RYR3: variants seen among roughly 807,000 people sequenced by gnomAD.
RYR3 encodes the protein ryanodine receptor 3, also known as brain ryanodine receptor-calcium release channel.
RYR3 carries 207 observed loss-of-function variants against 584.3 expected under a neutral mutation model. The ratio of observed to expected loss-of-function variants is 0.35; its 90% CI spans 0.32 to 0.40. The LOEUF (loss-of-function observed/expected upper bound fraction) is 0.40. RYR3 is among the 10% of genes least tolerant of loss of function. RYR3 has a pLI of 1.00. For missense variants in RYR3, 5,616 were observed against 6,089.2 expected (o/e 0.92, Z 2.59); for synonymous variants, 2,416 against 2,248.5 (o/e 1.07, Z -2.11).
Position 33,677,602 on chromosome 15 carries a change from G to C in RYR3, c.5860+7046G>C, listed in dbSNP as rs186809401. On this transcript the variant is annotated intron_variant, in intron 38 of 103. Coordinates refer to ENST00000634891, the MANE Select transcript of RYR3 (RefSeq NM_001036.6). ...CCCCTTGGGACTCTAGAGCAGGACT[G>C]GCAGAATCAGGCTGCAAACACAGTC... Among the ~76,000 whole-genome samples the C allele has an allele frequency of 1.5e-4, 23 of 152,316 alleles. No individual in the cohort carries two copies. The East Asian group carries it at 3.7e-3, about 24-fold the overall frequency.
intron 3 of RYR3, among the ~76,000 whole-genome samples, chr15:33,526,839 G>T (rs187145043): frequency 6.6e-6 from 1 of 152,120 alleles, no homozygotes; most frequent in African/African-American, 2.4e-5. Flanking sequence ...TACCACAGAA[G>T]ATAATAAAGC....
chr15:33,750,042 C>T lies in RYR3; in HGVS notation c.8263C>T (p.Leu2755=). 2 of 1,611,778 alleles carry T rather than the reference C, an allele frequency of 1.2e-6. No individual in the cohort carries two copies. The highest frequency in any genetic ancestry group is 1.7e-6 in the Non-Finnish European group (2 of 1,179,094). Residue 2755 remains leucine (L), a synonymous_variant, in exon 56 of 104, where the codon CTG becomes TTG. Transcript: ENST00000634891. The stretch of plus-strand genomic sequence containing the variant: ...CTGGGCCAAGAAGAAGAAGCTGGAG[C>T]TGGAGAGCAAAGGTGAGTGAGGTTC... ...NIWAKKKKLE[L]ESKGGGSHPL...
chr15:33,806,606 A>G (rs976654798), intron 69 of RYR3, among the ~76,000 whole-genome samples: 1 of 152,216 alleles, frequency 6.6e-6, no homozygotes, highest in Non-Finnish European at 1.5e-5. Flanking sequence ...ATGTGACAGA[A>G]CAAATAAAAC....
At chr15:33,681,661 T>G (rs1390479442) in intron 38 of RYR3, among the ~76,000 whole-genome samples, 1 of 152,228 alleles carries the variant, frequency 6.6e-6, no homozygotes, top group Non-Finnish European at 1.5e-5. Context: ...TTTCAATCAC[T>G]TAGAATTTAA....
intron 38 of RYR3, among the ~76,000 whole-genome samples, chr15:33,695,792 A>T (rs547082697): frequency 4.6e-4 from 68 of 148,454 alleles, no homozygotes; most frequent in East Asian, 3.6e-3. Context: ...CAAAAAAAAA[A>T]TTTTTTTTTT....
At chr15:33,845,965 G>A (rs1269988590) in intron 93 of RYR3, among the ~76,000 whole-genome samples, 1 of 152,186 alleles carries the variant, frequency 6.6e-6, no homozygotes, top group Non-Finnish European at 1.5e-5. Context: ...CGCTACATTT[G>A]CAGCCATCTG....
At chr15:33,841,146 G>A (rs1376824382) in intron 90 of RYR3, among the ~76,000 whole-genome samples, 1 of 152,120 alleles carries the variant, frequency 6.6e-6, no homozygotes, top group Non-Finnish European at 1.5e-5. Flanking sequence ...GAGCCCAGGA[G>A]GTCGAGGCTG....
chr15:33,846,853 C>A (rs955450720), intron 93 of RYR3, among the ~76,000 whole-genome samples: 8 of 152,292 alleles, frequency 5.3e-5, no homozygotes, highest in Middle Eastern at 3.4e-3. Flanking sequence ...TAAATGTACT[C>A]AGAACACATA....
intron 1 of RYR3, among the ~76,000 whole-genome samples, chr15:33,313,113 T>C (rs577888545): frequency 2.6e-5 from 4 of 152,310 alleles, no homozygotes; most frequent in African/African-American, 9.6e-5. Context: ...TGTGGCGTTA[T>C]TGGTTCTTTT....
chr15:33,356,709 A>G (rs1974026919), intron 1 of RYR3, among the ~76,000 whole-genome samples: 1 of 152,330 alleles, frequency 6.6e-6, no homozygotes, highest in South Asian at 2.1e-4. Context: ...CTTGCAAATT[A>G]TAAGTAGATA....
intron 1 of RYR3, among the ~76,000 whole-genome samples, chr15:33,342,593 T>C (rs749344040): frequency 7.0e-6 from 1 of 142,684 alleles, no homozygotes; most frequent in South Asian, 2.3e-4. Flanking sequence ...GTATATAATA[T>C]TATCCAATAA....
At chr15:33,575,633 ATAGCAC>A (rs1430068422) in intron 12 of RYR3, among the ~76,000 whole-genome samples, 1 of 152,198 alleles carries the variant, frequency 6.6e-6, no homozygotes, top group African/African-American at 2.4e-5. Context: ...AGGGAAGTTT[ATAGCAC>A]TAAATGCCCA....
intron 43 of RYR3, among the ~76,000 whole-genome samples, chr15:33,711,714 T>C (rs2067137173): frequency 6.6e-6 from 1 of 152,206 alleles, no homozygotes; most frequent in Admixed American, 6.5e-5. Flanking sequence ...CCAAATAAGT[T>C]CCTCATTTCC....
At chr15:33,450,162 A>G (rs1596194010) in intron 1 of RYR3, among the ~76,000 whole-genome samples, 1 of 150,038 alleles carries the variant, frequency 6.7e-6, no homozygotes, top group South Asian at 2.1e-4. Flanking sequence ...GGAGAATTCC[A>G]GGGGCATCCA....
At chr15:33,744,377 G>A (rs1207604252) in intron 52 of RYR3, among the ~76,000 whole-genome samples, 1 of 152,150 alleles carries the variant, frequency 6.6e-6, no homozygotes, top group African/African-American at 2.4e-5. Flanking sequence ...TCTGCCACTA[G>A]ATTGTAAGCT....
chr15:33,581,437 G>C (rs928096551), intron 13 of RYR3, 71 bp from the exon 14 acceptor site: 27 of 1,456,256 alleles, frequency 1.9e-5, no homozygotes, highest in African/African-American at 2.8e-5. Flanking sequence ...TGATACAGGA[G>C]GGGAAAGAGC....
At chr15:33,704,119 C>T (rs1356674861) in intron 42 of RYR3, among the ~76,000 whole-genome samples, 1 of 151,692 alleles carries the variant, frequency 6.6e-6, no homozygotes, top group African/African-American at 2.4e-5. Flanking sequence ...AAAAGAAATA[C>T]AAAAGTTAGC....
chr15:33,695,631 C>T (rs1328409783), intron 38 of RYR3, among the ~76,000 whole-genome samples: 1 of 152,114 alleles, frequency 6.6e-6, no homozygotes, highest in Admixed American at 6.6e-5. Flanking sequence ...TCTCTCAGCC[C>T]AGTGTGGATG....
intron 16 of RYR3, among the ~76,000 whole-genome samples, chr15:33,601,204 A>G (rs1405883664): frequency 6.6e-6 from 1 of 152,168 alleles, no homozygotes; most frequent in Non-Finnish European, 1.5e-5. Context: ...AGGGGCTAGA[A>G]AGAAGTCCAG....
Sources: allele counts gnomAD v4.1 joint callset (sites outside exome capture counted in the v4.1 genomes callset), GRCh38; gene constraint gnomAD v4.1.1; transcripts MANE v1.5; gene names NCBI Gene and HGNC (gene_info 2026-07-23, HGNC 2026-07-21).